Variants in ETAA1 observed in about 807,000 individuals in gnomAD.
ETAA1 encodes the protein ETAA1 activator of ATR kinase.
ETAA1 carries 49 observed loss-of-function variants against 76.8 expected under a neutral mutation model. The observed-to-expected ratio is 0.64, with a 90% CI of 0.51 to 0.81. The LOEUF (loss-of-function observed/expected upper bound fraction) is 0.81, where lower values mean the gene tolerates loss of function less well. Ranked by LOEUF, ETAA1 falls within the 30% of genes least tolerant of loss-of-function variation. The probability of loss-of-function intolerance (pLI) is 0.00; values close to 1 mark genes in which losing one functional copy is unlikely to be tolerated. For missense variants in ETAA1, 1,099 were observed against 1,074.0 expected (o/e 1.02, Z -0.32); for synonymous variants, 373 against 372.2 (o/e 1.00, Z -0.03).
chr2:67,410,031 T>A lies in ETAA1; in HGVS notation c.2774T>A (p.Phe925Tyr). ...TCTGTAAATGCAGCTCCCACTTCAT[T>A]TCTTTAATGAAATATTAGTTGGAAG... ...ASSVNAAPTS[F>Y]L is the part of the protein sequence containing the mutation. The change falls in exon 6 of 6, where the codon TTT becomes TAT. Residue 925 changes from phenylalanine (F) to tyrosine (Y), a missense_variant. Physicochemically the swap from Phe to Tyr is conservative, Grantham distance 22 (BLOSUM62 3). Transcript: ENST00000272342. 1 of 1,601,800 alleles carries A rather than the reference T, an allele frequency of 6.2e-7. No homozygotes were observed. The highest frequency in any genetic ancestry group is 8.5e-7 in the Non-Finnish European group (1 of 1,176,408).
rs757372871 is a variant in ETAA1 at position 67,405,172 on chromosome 2, G to C, written c.2490G>C (p.Gln830His). 8.7e-6 allele frequency: 14 copies of C among 1,612,338 alleles called. No homozygotes were observed. The highest frequency in any genetic ancestry group is 2.7e-5 in the African/African-American group (2 of 74,842). ...CATTTACAAGGATGAAAAATTCTCA[G>C]ATTCTTTCTCAGTTTAATCAAAATT... ...KFTFTRMKNS[Q>H]ILSQFNQNCI... is the part of the protein sequence containing the mutation. The change falls in exon 5 of 6, where the codon CAG becomes CAC. Residue 830 changes from glutamine (Q) to histidine (H), a missense_variant. Around this residue, in one of 3 missense-constraint regions of ETAA1, gnomAD observed 302 missense variants for 278.1 expected, o/e 1.09. Transcript: ENST00000272342.
intron 4 of ETAA1, 90 bp downstream of exon 4, chr2:67,403,064 T>C (rs1676099555): frequency 8.3e-7 from 1 of 1,206,970 alleles, no homozygotes; most frequent in African/African-American, 1.6e-5. Context: ...TATATCAAAA[T>C]TTTTGTTAAT....
chr2:67,404,982 A>G lies in ETAA1; in HGVS notation c.2300A>G (p.Lys767Arg), dbSNP rs771150663. ...TDVPIQVNSS[K>R]LVLPGSSSLN... ...GTTCCAATACAAGTGAATAGTTCCA[A>G]ATTGGTTCTTCCAGGAAGTTCAAGT... The change falls in exon 5 of 6, where the codon AAA becomes AGA. Residue 767 changes from lysine to arginine, a missense_variant. By Grantham distance (26) the Lys-to-Arg change is conservative. Around this residue, in one of 3 missense-constraint regions of ETAA1, gnomAD observed 302 missense variants for 278.1 expected, o/e 1.09. Coordinates refer to ENST00000272342, the MANE Select transcript of ETAA1 (RefSeq NM_019002.4). 5.0e-6 allele frequency: 8 copies of G among 1,612,596 alleles called. No homozygotes were observed. Among genetic ancestry groups the G allele is most frequent in the African/African-American group, 1.3e-5 (1 of 74,888 alleles).
intron 3 of ETAA1, among the ~76,000 whole-genome samples, chr2:67,400,185 A>T (rs920036613): frequency 2.0e-5 from 3 of 152,140 alleles, no homozygotes; most frequent in African/African-American, 4.8e-5. Flanking sequence ...CATGAACTAG[A>T]ATTATTGTGT....
chr2:67,399,814 AATACAAG>A (rs1204405924), intron 3 of ETAA1, among the ~76,000 whole-genome samples, 188 bp downstream of exon 3: 2 of 152,204 alleles, frequency 1.3e-5, no homozygotes, highest in African/African-American at 4.8e-5. Flanking sequence ...TATAATATAA[AATACAAG>A]ATATTTTCTT....
Position 67,411,363 on chromosome 2 carries a change from C to T in ETAA1, c.*1325C>T, listed in dbSNP as rs1676365074. 6.6e-6 allele frequency: 1 copy of T among 152,080 alleles called. No individual in the cohort carries two copies. The highest frequency in any genetic ancestry group is 1.5e-5 in the Non-Finnish European group (1 of 67,986). The allele number at this position is 152,080 out of a possible 1,614,324, so 9.4% of individuals were successfully genotyped here. ...TACTCCTCAACTTACCGTGTAGTTA[C>T]ATCCCAATAAACCCATCATGAGTTG... On this transcript the variant is annotated 3_prime_UTR_variant, in exon 6 of 6. Transcript: ENST00000272342.
Position 67,403,457 on chromosome 2 carries a change from A to G in ETAA1, c.775A>G (p.Thr259Ala), listed in dbSNP as rs1345206133. Residue 259 changes from threonine (T) to alanine (A), a missense_variant, in exon 5 of 6, where the codon ACC becomes GCC. Physicochemically the swap from Thr to Ala is moderately conservative, Grantham distance 58. Around this residue, in one of 3 missense-constraint regions of ETAA1, gnomAD observed 761 missense variants for 731.9 expected, o/e 1.04. Coordinates refer to ENST00000272342, the MANE Select transcript of ETAA1 (RefSeq NM_019002.4). Reference sequence around the variant, plus strand: ...TACAAAAAAGCCAATCAAAGGAAACACCAAGATATCTGTGGCAAATAATCA... The same window carrying G: ...TACAAAAAAGCCAATCAAAGGAAACGCCAAGATATCTGTGGCAAATAATCA... Reference protein sequence around the residue: ...NATKKPIKGNTKISVANNQNS... With the variant: ...NATKKPIKGNAKISVANNQNS... 1.9e-6 allele frequency: 3 copies of G among 1,613,192 alleles called. No homozygotes were observed. The African/African-American group carries it at 4.0e-5, about 22-fold the overall frequency.
chr2:67,405,040 A>C lies in ETAA1; in HGVS notation c.2358A>C (p.Glu786Asp). ...LNVTSDHMNT[E>D]ITTYKKKLST... The stretch of plus-strand genomic sequence containing the variant: ...TAACTTCAGATCATATGAATACAGA[A>C]ATTACTACTTATAAGAAGAAATTGA... The change falls in exon 5 of 6, where the codon GAA becomes GAC. Residue 786 changes from glutamate (E) to aspartate (D), a missense_variant. By Grantham distance (45) the Glu-to-Asp change is conservative (BLOSUM62 2). Transcript: ENST00000272342. The C allele has an allele frequency of 6.2e-7, 1 of 1,611,576 alleles. No homozygotes were observed. The highest frequency in any genetic ancestry group is 2.2e-5 in the East Asian group (1 of 44,796).
At position 67,397,555 on chromosome 2, in the gene ETAA1, G is replaced by A. The variant is rs1164592336; in HGVS notation, c.107G>A (p.Arg36Gln). 3 of 1,572,062 alleles carry A rather than the reference G, an allele frequency of 1.9e-6. No individual in the cohort carries two copies. The highest frequency in any genetic ancestry group is 2.6e-6 in the Non-Finnish European group (3 of 1,159,100). The change falls in exon 1 of 6, where the codon CGG becomes CAG. Residue 36 changes from arginine (R) to glutamine (Q), a missense_variant. Around this residue, in one of 3 missense-constraint regions of ETAA1, gnomAD observed 761 missense variants for 731.9 expected, o/e 1.04. Transcript: ENST00000272342. Reference sequence around the variant, plus strand: ...TCGGTGGTCGAGCCAGGGAGGAGGCGGCTGAGATCGGCCCGCGGTTCGTGG... The same window carrying A: ...TCGGTGGTCGAGCCAGGGAGGAGGCAGCTGAGATCGGCCCGCGGTTCGTGG... ...CGSVVEPGRR[R>Q]LRSARGSWPC...
At chr2:67,408,334 T>A (rs1267874274) in intron 5 of ETAA1, among the ~76,000 whole-genome samples, 2 of 152,006 alleles carry the variant, frequency 1.3e-5, no homozygotes, top group African/African-American at 4.8e-5. Context: ...TGGAAAAAAA[T>A]TAAAAGGAGA....
intron 3 of ETAA1, 65 bp downstream of exon 3, chr2:67,399,691 G>C: frequency 9.0e-7 from 1 of 1,114,994 alleles, no homozygotes; most frequent in Non-Finnish European, 1.3e-6. Flanking sequence ...AGTTTTTGTA[G>C]TTTCTTTAAA....
In ETAA1 at chr2:67,404,141, A is replaced by G. The variant is rs1361539105; in HGVS notation, c.1459A>G (p.Lys487Glu). 1.3e-6 allele frequency: 2 copies of G among 1,590,832 alleles called. No homozygotes were observed. The highest frequency in any genetic ancestry group is 2.2e-5 in the East Asian group (1 of 44,686). Residue 487 changes from lysine to glutamate, a missense_variant, in exon 5 of 6, where the codon AAA becomes GAA. This residue lies in a region of ETAA1 where 761 missense variants were observed against 731.9 expected (regional missense o/e 1.04). Coordinates refer to ENST00000272342, the MANE Select transcript of ETAA1 (RefSeq NM_019002.4). Reference protein sequence around the residue: ...NKMKFENSSNKIVIQDEIQNC... With the variant: ...NKMKFENSSNEIVIQDEIQNC... ...AATGAAATTTGAGAACTCTTCCAAT[A>G]AAATTGTTATTCAAGACGAAATTCA...
At chr2:67,401,873 GATTC>G (rs1676067562) in intron 3 of ETAA1, 1 of 151,760 alleles carries the variant, frequency 6.6e-6, no homozygotes, top group Admixed American at 6.6e-5. Flanking sequence ...AAACTTTTTT[GATTC>G]ATTGAGGATT....
Position 67,403,558 on chromosome 2 carries a change from A to T in ETAA1, c.876A>T (p.Lys292Asn). The T allele has an allele frequency of 6.2e-7, 1 of 1,613,510 alleles. No homozygotes were observed. Among genetic ancestry groups the T allele is most frequent in the South Asian group, 1.1e-5 (1 of 91,062 alleles). ...CTATTTTTGATGGTTCTACTCAGAA[A>T]TGTAGCGGACAGTTAAGCCAAGAAC... is the stretch of plus-strand genomic sequence containing the variant. ...FNAIFDGSTQKCSGQLSQELP... is the reference protein window; with the variant it reads ...FNAIFDGSTQNCSGQLSQELP... The change falls in exon 5 of 6, where the codon AAA becomes AAT. Residue 292 changes from lysine (K) to asparagine (N), a missense_variant. By Grantham distance (94) the Lys-to-Asn change is moderately conservative. Transcript: ENST00000272342.
intron 3 of ETAA1, chr2:67,401,924 C>A (rs1676068402): frequency 1.3e-5 from 2 of 151,880 alleles, no homozygotes; most frequent in African/African-American, 2.4e-5. Context: ...TCACCTAAAT[C>A]TTCTAGTAAA....
At chr2:67,403,149 C>T in intron 4 of ETAA1, 76 bp from the exon 5 acceptor site, 1 of 1,170,428 alleles carries the variant, frequency 8.5e-7, no homozygotes, top group Non-Finnish European at 1.2e-6. Flanking sequence ...AGAGCTTTAA[C>T]ATCAAAATAT....
chr2:67,403,043 G>T, intron 4 of ETAA1, 69 bp downstream of exon 4: 1 of 1,369,788 alleles, frequency 7.3e-7, no homozygotes, highest in Non-Finnish European at 9.9e-7. Flanking sequence ...ACTCCATTTT[G>T]GTTTTGTGAA....
In ETAA1 at chr2:67,399,206, C is replaced by G. The variant is rs10209114; in HGVS notation, c.261C>G (p.Asp87Glu). 6.2e-6 allele frequency: 10 copies of G among 1,613,130 alleles called. No individual in the cohort carries two copies. Among genetic ancestry groups the G allele is most frequent in the Non-Finnish European group, 8.5e-6 (10 of 1,179,346 alleles). ...YETPKRALKM[D>E]SLSSSFSSPN... Reference sequence around the variant, plus strand: ...CACCAAAGAGAGCGCTGAAAATGGACTCACTGTCATCTTCCTTCAGTTCTC... The same window carrying G: ...CACCAAAGAGAGCGCTGAAAATGGAGTCACTGTCATCTTCCTTCAGTTCTC... Residue 87 changes from aspartate to glutamate, a missense_variant, in exon 2 of 6, where the codon GAC becomes GAG. Physicochemically the swap from Asp to Glu is conservative, Grantham distance 45 (BLOSUM62 2). Coordinates refer to ENST00000272342, the MANE Select transcript of ETAA1 (RefSeq NM_019002.4).
intron 5 of ETAA1, 86 bp from the exon 6 acceptor site, chr2:67,409,825 G>T (rs1676320429): frequency 2.4e-6 from 3 of 1,260,850 alleles, no homozygotes; most frequent in Non-Finnish European, 3.3e-6. Context: ...GCAAATCTGG[G>T]TGATTAAAAA....
Sources: gnomAD v4.1 joint callset for allele counts (sites outside exome capture counted in the v4.1 genomes callset) on GRCh38, gnomAD v4.1.1 for gene constraint, gnomAD v4.1.1 regional missense constraint, MANE v1.5 for transcripts, NCBI Gene and HGNC (gene_info 2026-07-23, HGNC 2026-07-21) for gene names.